The following ZNF786 variants were observed in gnomAD, a reference collection of about 807,000 sequenced individuals.
ZNF786 encodes the protein zinc finger protein 786.
In ZNF786, 56 loss-of-function variants were observed where a neutral mutation model predicts 63.1. The observed-to-expected ratio is 0.89, with a 90% CI of 0.72 to 1.11. The LOEUF (loss-of-function observed/expected upper bound fraction) is 1.11. Among genes scored for constraint, ZNF786 ranks in the 50% least tolerant of loss-of-function variants. The pLI, the probability that ZNF786 is intolerant of heterozygous loss-of-function variation, is 0.00. For missense variants in ZNF786, 1,213 were observed against 1,041.8 expected (o/e 1.16, Z -2.26); for synonymous variants, 485 against 406.9 (o/e 1.19, Z -2.31).
At chr7:149,077,916 G>A (rs1426070548) in intron 2 of ZNF786, among the ~76,000 whole-genome samples, 4 of 149,756 alleles carry the variant, frequency 2.7e-5, no homozygotes, top group Non-Finnish European at 5.9e-5. Context: ...AGGTTGGAGT[G>A]CAATGGCGTG....
intron 2 of ZNF786, among the ~76,000 whole-genome samples, chr7:149,078,849 A>G (rs373852542): frequency 0.011 from 1,622 of 152,326 alleles, 23 homozygotes; most frequent in African/African-American, 0.037. Flanking sequence ...AAAATGATGG[A>G]ATACAATCTA....
chr7:149,071,536 C>A lies in ZNF786; in HGVS notation c.1236G>T (p.Leu412=), dbSNP rs1563136367. ...CTKRFRLRRL[L]QVHQHAHGGE... The stretch of plus-strand genomic sequence containing the variant: ...CACCGTGCGCGTGCTGGTGGACCTG[C>A]AGCAGGCGGCGCAGGCGGAAGCGCT... The change falls in exon 4 of 4, where the codon CTG becomes CTT. Residue 412 remains leucine (L), a synonymous_variant. Coordinates refer to ENST00000491431, the MANE Select transcript of ZNF786 (RefSeq NM_152411.4). 1.9e-6 allele frequency: 3 copies of A among 1,613,090 alleles called. No homozygotes were observed. Among genetic ancestry groups the A allele is most frequent in the Non-Finnish European group, 2.5e-6 (3 of 1,179,874 alleles).
chr7:149,070,654 G>C lies in ZNF786; in HGVS notation c.2118C>G (p.Cys706Trp), dbSNP rs1358629231. ...GLHTGERPFH[C>W]PECDKNFRER... ...CCCGGAAGTTCTTGTCACACTCAGG[G>C]CAGTGAAAAGGCCTCTCCCCTGTGT... Residue 706 changes from cysteine to tryptophan, a missense_variant, in exon 4 of 4, where the codon TGC (cysteine) becomes TGG (tryptophan). By Grantham distance (215) the Cys-to-Trp change is radical. Transcript: ENST00000491431. 6.2e-7 allele frequency: 1 copy of C among 1,613,836 alleles called. No homozygotes were observed. Among genetic ancestry groups the C allele is most frequent in the African/African-American group, 1.3e-5 (1 of 74,948 alleles).
chr7:149,084,931 C>T (rs1388472189), intron 1 of ZNF786, among the ~76,000 whole-genome samples: 10 of 152,256 alleles, frequency 6.6e-5, no homozygotes, highest in Admixed American at 2.0e-4. Context: ...TTAGGTTTTA[C>T]ATTTAAGTCT....
chr7:149,080,564 C>A lies in ZNF786; in HGVS notation c.145+27G>T, dbSNP rs1825632458. 4 of 1,550,120 alleles carry A rather than the reference C, an allele frequency of 2.6e-6. No homozygotes were observed. The East Asian group carries it at 9.2e-5, about 36-fold the overall frequency. On this transcript the variant is annotated intron_variant, in intron 2 of 3. Transcript: ENST00000491431. Reference sequence around the variant, plus strand: ...CCCTTACAGGATCCAGTTCCATGACCTACCCACAAAGGTGAACAGGTCTTA... The same window carrying A: ...CCCTTACAGGATCCAGTTCCATGACATACCCACAAAGGTGAACAGGTCTTA...
intron 2 of ZNF786, among the ~76,000 whole-genome samples, chr7:149,077,785 G>A (rs1000047007): frequency 5.3e-5 from 8 of 151,966 alleles, no homozygotes; most frequent in Non-Finnish European, 1.0e-4. Flanking sequence ...GACGATGATG[G>A]ATAATCACAA....
At chr7:149,089,136 T>C (rs12666123) in intron 1 of ZNF786, among the ~76,000 whole-genome samples, 83,199 of 151,714 alleles carry the variant, frequency 0.55, 26,246 homozygotes, top group East Asian at 0.9. Context: ...GTATTTTTAG[T>C]AGAGACGGGG....
intron 3 of ZNF786, among the ~76,000 whole-genome samples, 179 bp downstream of exon 3, chr7:149,074,207 G>A (rs546852548): frequency 3.9e-5 from 6 of 152,100 alleles, no homozygotes; most frequent in African/African-American, 1.4e-4. Flanking sequence ...CCAAGAAAAA[G>A]CAAGATCCAG....
Position 149,074,254 on chromosome 7 carries a change from C to T in ZNF786, c.298+132G>A, listed in dbSNP as rs6973937. On this transcript the variant is annotated intron_variant, in intron 3 of 3. Coordinates refer to ENST00000491431, the MANE Select transcript of ZNF786 (RefSeq NM_152411.4). Reference sequence around the variant, plus strand: ...AGAACCCACATTCCTAACCATTATGCTTTACTGCCTTTATCTAGAAGATAA... The same window carrying T: ...AGAACCCACATTCCTAACCATTATGTTTTACTGCCTTTATCTAGAAGATAA... 2.6e-3 allele frequency: 2,744 copies of T among 1,065,866 alleles called. 36 individuals carry two copies. The African/African-American group carries it at 0.037, about 14-fold the overall frequency. 66.0% of individuals were successfully genotyped at this position (1,065,866 alleles called of 1,614,324 possible). A position where few individuals can be genotyped will look rare whatever the true frequency, so the allele number is the denominator to read the frequency against.
At chr7:149,073,755 A>ATATATATATATATATATG (rs1563137504) in intron 3 of ZNF786, among the ~76,000 whole-genome samples, 13 of 72,462 alleles carry the variant, frequency 1.8e-4, no homozygotes, top group African/African-American at 4.8e-4. Context: ...GTGTATATAT[A>ATATATATATATATATATG]TATATATATA....
chr7:149,074,174 G>A (rs1273606758), intron 3 of ZNF786, among the ~76,000 whole-genome samples: 1 of 151,918 alleles, frequency 6.6e-6, no homozygotes, highest in Middle Eastern at 3.2e-3. Context: ...ATACCAAAAG[G>A]TTCAATAACT....
At chr7:149,080,479 C>CA (rs1825631110) in intron 2 of ZNF786, 112 bp downstream of exon 2, 11 of 1,132,708 alleles carry the variant, frequency 9.7e-6, no homozygotes, top group Non-Finnish European at 1.3e-5. Context: ...AAATACCCTT[C>CA]TGAGTTAATT....
At chr7:149,088,382 G>T (rs1460187427) in intron 1 of ZNF786, among the ~76,000 whole-genome samples, 1 of 152,112 alleles carries the variant, frequency 6.6e-6, no homozygotes, top group Non-Finnish European at 1.5e-5. Context: ...CTGCTTTTAG[G>T]TTCTTTCAAC....
intron 1 of ZNF786, among the ~76,000 whole-genome samples, chr7:149,087,123 G>T (rs918747607): frequency 1.2e-4 from 19 of 152,168 alleles, no homozygotes; most frequent in African/African-American, 4.6e-4. Context: ...GATTACAGGC[G>T]TGAGCCACTG....
chr7:149,070,645 ACACT>A lies in ZNF786; in HGVS notation c.2123_2126del (p.Glu708ValfsTer12), dbSNP rs1825385503. 3 of 1,613,702 alleles carry A rather than the reference ACACT, an allele frequency of 1.9e-6. No individual in the cohort carries two copies. Among genetic ancestry groups the A allele is most frequent in the Non-Finnish European group, 1.7e-6 (2 of 1,179,874 alleles). On this transcript the variant is annotated frameshift_variant, in exon 4 of 4. Transcript: ENST00000491431. LOFTEE classifies it high-confidence loss of function. ...GTCCCCTTTCCCGGAAGTTCTTGTC[ACACT>A]CAGGGCAGTGAAAAGGCCTCTCCCC...
chr7:149,084,662 G>A (rs1303283808), intron 1 of ZNF786, among the ~76,000 whole-genome samples: 1 of 152,088 alleles, frequency 6.6e-6, no homozygotes, highest in East Asian at 1.9e-4. Flanking sequence ...TTTTTTGCTT[G>A]TAAATTTAAG....
chr7:149,070,573 G>A lies in ZNF786; in HGVS notation c.2199C>T (p.Ala733=). 6.2e-7 allele frequency: 1 copy of A among 1,614,016 alleles called. No homozygotes were observed. Among genetic ancestry groups the A allele is most frequent in the Non-Finnish European group, 8.5e-7 (1 of 1,179,904 alleles). ...QRIHRPERPF[A]CGDCGKGFIY... ...TGAAGCCCTTCCCACAATCGCCACA[G>A]GCAAAGGGCCTCTCGGGCCTGTGGA... The change falls in exon 4 of 4, where the codon GCC becomes GCT. Residue 733 remains alanine (A), a synonymous_variant. Coordinates refer to ENST00000491431, the MANE Select transcript of ZNF786 (RefSeq NM_152411.4).
intron 3 of ZNF786, among the ~76,000 whole-genome samples, chr7:149,073,283 CAG>C (rs1585461704): frequency 6.6e-6 from 1 of 152,314 alleles, no homozygotes; most frequent in East Asian, 1.9e-4. Flanking sequence ...CCAAAAATCT[CAG>C]ACTCTCTCCT....
rs200310267 is a variant in ZNF786 at position 149,071,956 on chromosome 7, G to T, written c.816C>A (p.Asp272Glu). The T allele has an allele frequency of 4.3e-6, 7 of 1,611,594 alleles. No homozygotes were observed. Among genetic ancestry groups the T allele is most frequent in the South Asian group, 1.1e-5 (1 of 91,072 alleles). ...GCTCGTGTCGGAAGCACATTTCACC[G>T]TCAGCGTTCCGGAAGGGGCCCCTCC... ...HTGRGPFRNA[D>E]GEMCFRHELT... Residue 272 changes from aspartate (D) to glutamate (E), a missense_variant, in exon 4 of 4, where the codon GAC becomes GAA. Asp to Glu is a conservative substitution (Grantham distance 45). Coordinates refer to ENST00000491431, the MANE Select transcript of ZNF786 (RefSeq NM_152411.4).
Sources: allele counts gnomAD v4.1 joint callset (sites outside exome capture counted in the v4.1 genomes callset), GRCh38; gene constraint gnomAD v4.1.1; transcripts MANE v1.5; gene names NCBI Gene and HGNC (gene_info 2026-07-23, HGNC 2026-07-21).